CTNND2: variants seen among roughly 807,000 people sequenced by gnomAD.
CTNND2 encodes the protein catenin delta 2.
In CTNND2, 22 loss-of-function variants were observed where a neutral mutation model predicts 144.4. The observed-to-expected ratio is 0.15, with a 90% CI of 0.11 to 0.22. The LOEUF (loss-of-function observed/expected upper bound fraction) is 0.22, where lower values mean the gene tolerates loss of function less well. Among genes scored for constraint, CTNND2 ranks in the 10% least tolerant of loss-of-function variants. The pLI is 1.00. For synonymous variants in CTNND2, 751 were observed against 695.6 expected (o/e 1.08, Z -1.25); for missense variants, 1,353 against 1,618.8 (o/e 0.84, Z 2.82).
At chr5:11,233,716 CTGTGTGTGTGTGTG>C (rs3033106) in intron 10 of CTNND2, among the ~76,000 whole-genome samples, 2 of 148,236 alleles carry the variant, frequency 1.3e-5, no homozygotes, top group East Asian at 2.0e-4. Context: ...GTTTACGTGT[CTGTGTGTGTGTGTG>C]TGTGTGTGTG....
Position 11,662,340 on chromosome 5 carries a change from G to A in CTNND2, c.174+69796C>T, listed in dbSNP as rs539001783. The stretch of plus-strand genomic sequence containing the variant: ...AAGTAGTATTAACTCACACAATCAC[G>A]ATCACAAGATCCCACAATAGGCCGT... On this transcript the variant is annotated intron_variant, in intron 2 of 21. Coordinates refer to ENST00000304623, the MANE Select transcript of CTNND2 (RefSeq NM_001332.4). 1.5e-3 allele frequency among the ~76,000 whole-genome samples: 218 copies of A among 150,266 alleles called. 3 individuals are homozygous for A. The highest frequency in any genetic ancestry group is 2.6e-3 in the Non-Finnish European group (179 of 67,672).
chr5:10,990,448 G>A (rs1394386197), intron 19 of CTNND2, among the ~76,000 whole-genome samples: 1 of 152,130 alleles, frequency 6.6e-6, no homozygotes, highest in Non-Finnish European at 1.5e-5. Flanking sequence ...TCTTCCACCT[G>A]CTGCCCCCTT....
At chr5:11,440,050 A>T (rs1248812361) in intron 3 of CTNND2, among the ~76,000 whole-genome samples, 1 of 152,104 alleles carries the variant, frequency 6.6e-6, no homozygotes, top group Non-Finnish European at 1.5e-5. Context: ...CAACTTGCAG[A>T]AGCCAGGACA....
At chr5:11,511,881 G>C (rs888621434) in intron 3 of CTNND2, among the ~76,000 whole-genome samples, 4 of 152,110 alleles carry the variant, frequency 2.6e-5, no homozygotes, top group Admixed American at 2.0e-4. Flanking sequence ...TTGTGCCCCA[G>C]ACTCATACTT....
chr5:11,068,688 G>A lies in CTNND2; in HGVS notation c.2788+14008C>T, dbSNP rs534937701. On this transcript the variant is annotated intron_variant, in intron 16 of 21. Transcript: ENST00000304623. ...CCCAGCACTTTGGGAAGCCGAGGCG[G>A]GCGGATCACGAGGTCAGGAGATCGA... Among the ~76,000 whole-genome samples, 4 of 152,330 alleles carry A rather than the reference G, an allele frequency of 2.6e-5. No homozygotes were observed. The East Asian group carries it at 7.7e-4, about 29-fold the overall frequency.
intron 2 of CTNND2, among the ~76,000 whole-genome samples, chr5:11,574,219 T>C (rs190151618): frequency 3.9e-5 from 6 of 152,264 alleles, no homozygotes; most frequent in Non-Finnish European, 4.4e-5. Context: ...CAGCACATAA[T>C]GGCAGTTAAT....
intron 2 of CTNND2, among the ~76,000 whole-genome samples, chr5:11,658,630 C>T (rs1284724268): frequency 2.0e-5 from 3 of 152,138 alleles, no homozygotes; most frequent in African/African-American, 7.2e-5. Flanking sequence ...GCCATAAAAA[C>T]ATTACAGTCA....
chr5:11,555,235 A>C (rs1367897778), intron 3 of CTNND2, among the ~76,000 whole-genome samples: 1 of 152,170 alleles, frequency 6.6e-6, no homozygotes, highest in Non-Finnish European at 1.5e-5. Flanking sequence ...TAGCCAAGGA[A>C]ATGGAAGAGA....
At chr5:11,871,546 C>T (rs954795041) in intron 1 of CTNND2, among the ~76,000 whole-genome samples, 1 of 152,054 alleles carries the variant, frequency 6.6e-6, no homozygotes, top group East Asian at 1.9e-4. Context: ...TCTTTAAGAA[C>T]GATCAGACTT....
chr5:11,606,081 T>C (rs1430746116), intron 2 of CTNND2, among the ~76,000 whole-genome samples: 6 of 152,144 alleles, frequency 3.9e-5, no homozygotes, highest in African/African-American at 1.4e-4. Flanking sequence ...GTAAGAGAGA[T>C]GCAAAGCCAA....
At chr5:11,425,828 G>A (rs1762730158) in intron 3 of CTNND2, among the ~76,000 whole-genome samples, 1 of 152,068 alleles carries the variant, frequency 6.6e-6, no homozygotes, top group African/African-American at 2.4e-5. Context: ...TTCTCTCCTT[G>A]ACCAAATGTT....
At chr5:11,257,832 T>C (rs1248167788) in intron 9 of CTNND2, among the ~76,000 whole-genome samples, 1 of 152,180 alleles carries the variant, frequency 6.6e-6, no homozygotes, top group Non-Finnish European at 1.5e-5. Flanking sequence ...TTCTGCTGGC[T>C]CCTCACTTAT....
Position 11,271,043 on chromosome 5 carries a change from C to T in CTNND2, c.1629-34220G>A, listed in dbSNP as rs1745953742. On this transcript the variant is annotated intron_variant, in intron 9 of 21. Transcript: ENST00000304623. ...TAAAAAATGTTTAAATAATGAGCCACAATATAAAATAATTACATGTCAAGT... is the reference window on the plus strand; with the variant it reads ...TAAAAAATGTTTAAATAATGAGCCATAATATAAAATAATTACATGTCAAGT... Among the ~76,000 whole-genome samples the T allele has an allele frequency of 2.0e-5, 3 of 152,144 alleles. No homozygotes were observed. The South Asian group carries it at 6.2e-4, about 31-fold the overall frequency.
Position 10,988,043 on chromosome 5 carries a change from C to T in CTNND2, c.3343+68G>A, listed in dbSNP as rs1029491293. The T allele has an allele frequency of 1.2e-5, 19 of 1,601,960 alleles. No individual in the cohort carries two copies. The East Asian group carries it at 2.5e-4, about 21-fold the overall frequency. On this transcript the variant is annotated intron_variant, in intron 20 of 21. Transcript: ENST00000304623. This position sits in a 1 kb window ranked among gnomAD's most constrained non-coding sequence, Gnocchi z 5.9. ...CAGCCAGCCCCGTGAAGCCTGATGTCCCATATCTCTGCCTTGTCGCGGGTC... is the reference window on the plus strand; with the variant it reads ...CAGCCAGCCCCGTGAAGCCTGATGTTCCATATCTCTGCCTTGTCGCGGGTC...
intron 3 of CTNND2, among the ~76,000 whole-genome samples, chr5:11,539,825 G>A (rs1031200243): frequency 6.6e-6 from 1 of 152,174 alleles, no homozygotes; most frequent in Non-Finnish European, 1.5e-5. Context: ...CCTGAGGTCA[G>A]GAGTTCAAGA....
At chr5:11,511,343 T>C (rs1050259780) in intron 3 of CTNND2, among the ~76,000 whole-genome samples, 1 of 152,286 alleles carries the variant, frequency 6.6e-6, no homozygotes, top group Middle Eastern at 3.4e-3. Context: ...ATTAGAGTAA[T>C]TGATCCAGAG....
At chr5:11,819,583 G>T (rs1367145113) in intron 1 of CTNND2, among the ~76,000 whole-genome samples, 3 of 152,204 alleles carry the variant, frequency 2.0e-5, no homozygotes, top group African/African-American at 2.4e-5. Context: ...CAGTAGCTGT[G>T]ACAGCAGCAA....
chr5:11,532,256 C>T (rs1773809535), intron 3 of CTNND2, among the ~76,000 whole-genome samples: 1 of 152,008 alleles, frequency 6.6e-6, no homozygotes, highest in Non-Finnish European at 1.5e-5. Context: ...CTTTCCCTTC[C>T]CATCCCTTGC....
rs77312726 is a variant in CTNND2, at chr5:11,711,440, C to T, written c.174+20696G>A. ...TAACATGTAGGGCATGCTCATTGCACGCCACTTACATATAGAAATGTACAT... is the reference window on the plus strand; with the variant it reads ...TAACATGTAGGGCATGCTCATTGCATGCCACTTACATATAGAAATGTACAT... On this transcript the variant is annotated intron_variant, in intron 2 of 21. Coordinates refer to ENST00000304623, the MANE Select transcript of CTNND2 (RefSeq NM_001332.4). Among the ~76,000 whole-genome samples the T allele has an allele frequency of 7.2e-3, 1,101 of 152,194 alleles. 15 individuals carry two copies. Among genetic ancestry groups the T allele is most frequent in the African/African-American group, 0.025 (1,032 of 41,508 alleles).
Sources: gnomAD v4.1 joint callset for allele counts (sites outside exome capture counted in the v4.1 genomes callset) on GRCh38, gnomAD v4.1.1 for gene constraint, Gnocchi (gnomAD v3.1) non-coding constraint, MANE v1.5 for transcripts, NCBI Gene and HGNC (gene_info 2026-07-23, HGNC 2026-07-21) for gene names.